The following TBC1D23 variants were observed in gnomAD, a reference collection of about 807,000 sequenced individuals.
TBC1D23 encodes the protein TBC1 domain family member 23, also known as HCV non-structural protein 4A-transactivated protein 1.
In TBC1D23, 55 loss-of-function variants were observed where a neutral mutation model predicts 91.4. The ratio of observed to expected loss-of-function variants is 0.60; its 90% CI spans 0.48 to 0.75. TBC1D23 has a LOEUF of 0.75. TBC1D23 is among the 30% of genes least tolerant of loss of function. TBC1D23 has a pLI of 0.00. For synonymous variants in TBC1D23, 289 were observed against 281.0 expected, an observed-to-expected ratio of 1.03 and a Z score of -0.28; for missense variants, 725 against 836.1, an observed-to-expected ratio of 0.87 and a Z score of 1.64.
At chr3:100,283,130 T>C (rs977025826) in intron 3 of TBC1D23, among the ~76,000 whole-genome samples, 10 of 152,230 alleles carry the variant, frequency 6.6e-5, no homozygotes, top group Non-Finnish European at 1.3e-4. Context: ...CCCAGCACTT[T>C]GGGAGGCCGA....
At chr3:100,267,054 G>A (rs2067563430) in intron 1 of TBC1D23, 1 of 211,068 alleles carries the variant, frequency 4.7e-6, no homozygotes, top group African/African-American at 2.4e-5. Flanking sequence ...GTGCATTGTG[G>A]TGCCTTCCTG....
At chr3:100,310,603 T>TA in intron 14 of TBC1D23, 61 bp downstream of exon 14, 2 of 1,300,408 alleles carry the variant, frequency 1.5e-6, no homozygotes, top group Non-Finnish European at 2.1e-6. Context: ...AACAATGTCT[T>TA]AGAGTAAGTA....
intron 5 of TBC1D23, among the ~76,000 whole-genome samples, chr3:100,292,059 C>T (rs1030206970): frequency 1.3e-5 from 2 of 152,142 alleles, no homozygotes; most frequent in Non-Finnish European, 2.9e-5. Flanking sequence ...GCCACCACAC[C>T]TGGCCCTTAT....
chr3:100,321,710 A>G lies in TBC1D23; in HGVS notation c.2018+739A>G, dbSNP rs113804644. 8.8e-4 allele frequency among the ~76,000 whole-genome samples: 134 copies of G among 152,318 alleles called. 1 individual carries two copies. Among genetic ancestry groups the G allele is most frequent in the African/African-American group, 3.0e-3 (124 of 41,564 alleles). On this transcript the variant is annotated intron_variant, in intron 18 of 18. Transcript: ENST00000394144. ...ATATCGCAGCACTTTTAAATAATCAACTTCAGTTGGAAGAGGAAATTATTC... is the reference window on the plus strand; with the variant it reads ...ATATCGCAGCACTTTTAAATAATCAGCTTCAGTTGGAAGAGGAAATTATTC...
chr3:100,316,664 G>A (rs1705751772), intron 16 of TBC1D23, among the ~76,000 whole-genome samples: 1 of 151,810 alleles, frequency 6.6e-6, no homozygotes, highest in South Asian at 2.1e-4. Flanking sequence ...GAGATTGAGA[G>A]TTGTGGGACT....
chr3:100,311,477 C>A (rs1705623400), intron 14 of TBC1D23, among the ~76,000 whole-genome samples: 3 of 152,126 alleles, frequency 2.0e-5, no homozygotes, highest in African/African-American at 7.2e-5. Context: ...GCCTGAAAGA[C>A]TTGTTTATGC....
At chr3:100,301,910 C>G (rs776644863) in intron 10 of TBC1D23, 157 bp from the exon 11 acceptor site, 1 of 578,584 alleles carries the variant, frequency 1.7e-6, no homozygotes, top group Non-Finnish European at 3.0e-6. Flanking sequence ...AAATATTTCT[C>G]TTATCCCAGG....
At chr3:100,299,703 C>A (rs1356843293) in intron 10 of TBC1D23, among the ~76,000 whole-genome samples, 1 of 152,000 alleles carries the variant, frequency 6.6e-6, no homozygotes, top group African/African-American at 2.4e-5. Flanking sequence ...TAGAGACGGG[C>A]TTTCACCATG....
intron 1 of TBC1D23, among the ~76,000 whole-genome samples, chr3:100,265,949 C>G (rs867863537): frequency 6.6e-6 from 1 of 151,986 alleles, no homozygotes; most frequent in African/African-American, 2.4e-5. Flanking sequence ...TGAGAAAAAA[C>G]TTAAAATGTC....
chr3:100,270,041 T>A (rs1173513109), intron 1 of TBC1D23, among the ~76,000 whole-genome samples: 1 of 152,196 alleles, frequency 6.6e-6, no homozygotes. Context: ...TAAACAAATA[T>A]GAATAAATTG....
chr3:100,264,665 GT>G (rs2067543844), intron 1 of TBC1D23, among the ~76,000 whole-genome samples: 1 of 151,878 alleles, frequency 6.6e-6, no homozygotes, highest in Non-Finnish European at 1.5e-5. Flanking sequence ...TTCTTTTTTT[GT>G]TGTCAGTGGT....
chr3:100,283,797 T>A lies in TBC1D23; in HGVS notation c.462T>A (p.Asn154Lys). The change falls in exon 4 of 19, where the codon AAT becomes AAA. Residue 154 changes from asparagine (N) to lysine (K), a missense_variant. Transcript: ENST00000394144. ...DLYNCFYAIM[N>K]KYIPRDCSQK... The stretch of plus-strand genomic sequence containing the variant: ...ACAACTGCTTTTATGCCATAATGAA[T>A]AAGTACATTCCCAGGTAAAATATGA... 2 of 1,605,414 alleles carry A rather than the reference T, an allele frequency of 1.2e-6. No individual in the cohort carries two copies. The highest frequency in any genetic ancestry group is 1.7e-6 in the Non-Finnish European group (2 of 1,172,210).
chr3:100,296,341 A>G, intron 8 of TBC1D23, 66 bp downstream of exon 8: 1 of 925,262 alleles, frequency 1.1e-6, no homozygotes, highest in South Asian at 1.7e-5. Flanking sequence ...ATTACTTTAT[A>G]TTCACTTTAG....
At chr3:100,275,982 G>A (rs947681840) in intron 1 of TBC1D23, among the ~76,000 whole-genome samples, 2 of 151,942 alleles carry the variant, frequency 1.3e-5, no homozygotes, top group African/African-American at 4.8e-5. Context: ...AAGTAAATCA[G>A]CGGTTGGCAG....
rs187636037 is a variant in TBC1D23 at position 100,261,408 on chromosome 3, G to A, written c.53+337G>A. 6.1e-4 allele frequency: 223 copies of A among 363,102 alleles called. 2 individuals carry two copies. Among genetic ancestry groups the A allele is most frequent in the South Asian group, 9.4e-4 (23 of 24,506 alleles). The allele number at this position is 363,102 out of a possible 1,614,324, so 22.5% of individuals were successfully genotyped here. The stretch of plus-strand genomic sequence containing the variant: ...GTCCTGGCTGTGGGAGTTGGAGTAG[G>A]CTGAAGAAGGAAGTTTGTTGGATGC... On this transcript the variant is annotated intron_variant, in intron 1 of 18. Transcript: ENST00000394144.
chr3:100,296,530 G>A (rs2067842298), intron 8 of TBC1D23, among the ~76,000 whole-genome samples: 1 of 151,976 alleles, frequency 6.6e-6, no homozygotes, highest in South Asian at 2.1e-4. Context: ...AATTGACTGA[G>A]ATATTTTCTA....
In TBC1D23 at chr3:100,302,000, T is replaced by C. The variant is rs1576177597; in HGVS notation, c.1093-67T>C. Reference sequence around the variant, plus strand: ...ATATTGGGGTTTTTCCTAAAAAAAATTTCAAATTTACAAATATATGTGAAA... The same window carrying C: ...ATATTGGGGTTTTTCCTAAAAAAAACTTCAAATTTACAAATATATGTGAAA... On this transcript the variant is annotated intron_variant, in intron 10 of 18. Transcript: ENST00000394144. The C allele has an allele frequency of 3.8e-6, 5 of 1,326,396 alleles. No homozygotes were observed. In the East Asian group the frequency reaches 1.3e-4, roughly 34 times the overall value. 82.2% of individuals were successfully genotyped at this position (1,326,396 alleles called of 1,614,324 possible).
At chr3:100,277,434 C>T (rs2067657200) in intron 1 of TBC1D23, among the ~76,000 whole-genome samples, 1 of 152,144 alleles carries the variant, frequency 6.6e-6, no homozygotes, top group South Asian at 2.1e-4. Context: ...CTGGAGAGCA[C>T]ATTTGTGGTT....
chr3:100,312,836 T>C (rs1367825615), intron 15 of TBC1D23, among the ~76,000 whole-genome samples: 3 of 152,122 alleles, frequency 2.0e-5, no homozygotes, highest in Non-Finnish European at 4.4e-5. Flanking sequence ...GTAGCATTTT[T>C]AAGAATAATA....
Sources: gnomAD v4.1 joint callset for allele counts (sites outside exome capture counted in the v4.1 genomes callset) on GRCh38, gnomAD v4.1.1 for gene constraint, MANE v1.5 for transcripts, NCBI Gene and HGNC (gene_info 2026-07-23, HGNC 2026-07-21) for gene names.